ABCE1: variants seen among roughly 807,000 people sequenced by gnomAD.
ABCE1 encodes the protein ATP binding cassette subfamily E member 1.
In ABCE1, 22 loss-of-function variants were observed where a neutral mutation model predicts 83.4. The observed-to-expected ratio is 0.26, with a 90% confidence interval of 0.19 to 0.38. The LOEUF (loss-of-function observed/expected upper bound fraction) is 0.38. ABCE1 is among the 10% of genes least tolerant of loss of function. The probability of loss-of-function intolerance (pLI) is 1.00; values close to 1 mark genes in which losing one functional copy is unlikely to be tolerated. For synonymous variants in ABCE1, 204 were observed against 233.7 expected (o/e 0.87, Z 1.16); for missense variants, 330 against 721.9 (o/e 0.46, Z 6.22).
At chr4:145,110,322 A>G (rs1749432351) in intron 6 of ABCE1, 53 bp from the exon 7 acceptor site, 1 of 1,600,486 alleles carries the variant, frequency 6.2e-7, no homozygotes, top group South Asian at 1.1e-5. Flanking sequence ...TTACTTTGTG[A>G]TTCTTTTTAA....
intron 15 of ABCE1, 60 bp downstream of exon 15, chr4:145,123,417 A>T: frequency 6.3e-7 from 1 of 1,589,136 alleles, no homozygotes; most frequent in South Asian, 1.1e-5. Flanking sequence ...AGTGTGCTTA[A>T]TATAACAGTC....
At chr4:145,100,414 G>A (rs879592430) in intron 1 of ABCE1, among the ~76,000 whole-genome samples, 1 of 152,190 alleles carries the variant, frequency 6.6e-6, no homozygotes, top group Non-Finnish European at 1.5e-5. Flanking sequence ...AAATATTTTA[G>A]TAGTTTAACA....
At chr4:145,108,176 A>G in intron 4 of ABCE1, 64 bp downstream of exon 4, 2 of 1,410,674 alleles carry the variant, frequency 1.4e-6, no homozygotes, top group Non-Finnish European at 2.0e-6. Flanking sequence ...TGGGATTTTA[A>G]GAGAAGTGCA....
At chr4:145,105,248 C>T (rs1749268279) in intron 2 of ABCE1, among the ~76,000 whole-genome samples, 1 of 151,962 alleles carries the variant, frequency 6.6e-6, no homozygotes, top group Non-Finnish European at 1.5e-5. Context: ...TTACCATTTT[C>T]AAGGCATATT....
intron 5 of ABCE1, among the ~76,000 whole-genome samples, 179 bp from the exon 6 acceptor site, chr4:145,109,924 G>A (rs1313293557): frequency 1.3e-5 from 2 of 152,006 alleles, no homozygotes; most frequent in African/African-American, 4.8e-5. Flanking sequence ...TATCTGTTCT[G>A]TTTTCTTTCT....
chr4:145,098,898 G>T (rs1026210698), intron 1 of ABCE1, among the ~76,000 whole-genome samples: 1 of 152,212 alleles, frequency 6.6e-6, no homozygotes, highest in Non-Finnish European at 1.5e-5. Flanking sequence ...GCATCTTGCC[G>T]CCATGAAGTC....
At chr4:145,116,668 T>G (rs1237507969) in intron 9 of ABCE1, among the ~76,000 whole-genome samples, 2 of 151,992 alleles carry the variant, frequency 1.3e-5, no homozygotes, top group East Asian at 3.8e-4. Context: ...CAGCCAATAC[T>G]GTATCACTTC....
chr4:145,120,963 A>G (rs1749723528), intron 11 of ABCE1: 1 of 535,210 alleles, frequency 1.9e-6, no homozygotes, highest in African/African-American at 1.9e-5. Context: ...ATAAGCTTTG[A>G]CTAGTCTTTA....
chr4:145,118,253 C>CT (rs4148244), intron 10 of ABCE1, among the ~76,000 whole-genome samples: 2,942 of 134,496 alleles, frequency 0.022, 98 homozygotes, highest in African/African-American at 0.074. Context: ...TTCTTTCTTT[C>CT]TTTTTTTTTT....
At chr4:145,123,396 A>G in intron 15 of ABCE1, 39 bp downstream of exon 15, 1 of 1,596,614 alleles carries the variant, frequency 6.3e-7, no homozygotes, top group Non-Finnish European at 8.6e-7. Context: ...GATTATGTAT[A>G]CTGTCCTACA....
intron 7 of ABCE1, 161 bp from the exon 8 acceptor site, chr4:145,110,807 G>C: frequency 1.7e-6 from 1 of 581,442 alleles, no homozygotes; most frequent in Non-Finnish European, 3.0e-6. Context: ...AGTGATGAAA[G>C]TACACATCTT....
intron 4 of ABCE1, 33 bp downstream of exon 4, chr4:145,108,145 A>G: frequency 6.4e-7 from 1 of 1,574,624 alleles, no homozygotes; most frequent in Non-Finnish European, 8.7e-7. Flanking sequence ...CTCTTCTGTC[A>G]AGTTAAGAGT....
intron 13 of ABCE1, chr4:145,122,062 T>G (rs530733133): frequency 2.6e-5 from 4 of 152,146 alleles, no homozygotes; most frequent in Non-Finnish European, 5.9e-5. Flanking sequence ...AGAACTCTTA[T>G]AATTAAAAAT....
rs1560965553 is a variant in ABCE1 at position 145,123,204 on chromosome 4, C to T, written c.1375-11C>T. The T allele has an allele frequency of 6.3e-7, 1 of 1,596,032 alleles. No homozygotes were observed. Among genetic ancestry groups the T allele is most frequent in the Non-Finnish European group, 8.5e-7 (1 of 1,173,992 alleles). On this transcript the variant is annotated splice_polypyrimidine_tract_variant and intron_variant, in intron 14 of 17. Coordinates refer to ENST00000296577, the MANE Select transcript of ABCE1 (RefSeq NM_002940.3). ...ATGCCTTTACATGGTTTGCTAAACT[C>T]CTCCAATTAGGTGCAGACATTATCT...
intron 17 of ABCE1, among the ~76,000 whole-genome samples, chr4:145,126,054 G>A (rs936126097): frequency 2.4e-4 from 36 of 151,576 alleles, no homozygotes; most frequent in Admixed American, 2.0e-3. Context: ...CCCCGCCCCC[G>A]CAACCCCCGC....
At chr4:145,116,865 C>T (rs996545979) in intron 9 of ABCE1, among the ~76,000 whole-genome samples, 3 of 151,852 alleles carry the variant, frequency 2.0e-5, no homozygotes, top group South Asian at 4.1e-4. Flanking sequence ...TAAATGGAAA[C>T]GTCTCAGGTT....
intron 1 of ABCE1, among the ~76,000 whole-genome samples, chr4:145,099,628 T>G (rs35084589): frequency 7.9e-5 from 12 of 152,258 alleles, no homozygotes; most frequent in African/African-American, 2.9e-4. Context: ...TTCTTCTAAA[T>G]GTCTTAAACT....
chr4:145,107,199 C>A (rs919040723), intron 3 of ABCE1, among the ~76,000 whole-genome samples: 1 of 151,796 alleles, frequency 6.6e-6, no homozygotes, highest in Non-Finnish European at 1.5e-5. Flanking sequence ...TCCGAGAATT[C>A]AAGTATCTTA....
chr4:145,105,324 A>G (rs972515857), intron 2 of ABCE1, among the ~76,000 whole-genome samples: 1 of 152,104 alleles, frequency 6.6e-6, no homozygotes, highest in East Asian at 1.9e-4. Flanking sequence ...TCATACTTTT[A>G]CTAGCATATT....
Sources: gnomAD v4.1 joint callset for allele counts (sites outside exome capture counted in the v4.1 genomes callset) on GRCh38, gnomAD v4.1.1 for gene constraint, MANE v1.5 for transcripts, NCBI Gene and HGNC (gene_info 2026-07-23, HGNC 2026-07-21) for gene names.